GPC5: variants seen among roughly 807,000 people sequenced by gnomAD.
GPC5 encodes the protein glypican-5.
Under a neutral mutation model 53.9 loss-of-function variants are expected in GPC5, and 47 were observed. The ratio of observed to expected loss-of-function variants is 0.87; its 90% CI spans 0.69 to 1.11. GPC5 has a LOEUF of 1.11. GPC5 is among the 50% of genes most tolerant of loss of function. The pLI, the probability that GPC5 is intolerant of heterozygous loss-of-function variation, is 0.00. For synonymous variants in GPC5, 286 were observed against 263.3 expected, an observed-to-expected ratio of 1.09 and a Z score of -0.84; for missense variants, 748 against 713.1, an observed-to-expected ratio of 1.05 and a Z score of -0.56.
intron 5 of GPC5, among the ~76,000 whole-genome samples, chr13:91,896,498 G>A (rs959161648): frequency 2.6e-5 from 4 of 152,170 alleles, no homozygotes; most frequent in African/African-American, 9.7e-5. Flanking sequence ...GAAAGGTTCC[G>A]AAGGGATAGA....
intron 7 of GPC5, among the ~76,000 whole-genome samples, chr13:92,563,178 A>G (rs1882750178): frequency 6.6e-6 from 1 of 152,064 alleles, no homozygotes; most frequent in Non-Finnish European, 1.5e-5. Context: ...TTTCATCTGT[A>G]AAGTCTATAA....
chr13:92,765,339 T>A (rs1351748514), intron 7 of GPC5, among the ~76,000 whole-genome samples: 3 of 152,030 alleles, frequency 2.0e-5, no homozygotes, highest in African/African-American at 2.4e-5. Flanking sequence ...AATGATAGGG[T>A]TTTTACCCTT....
At chr13:91,742,852 T>C (rs2036965630) in intron 4 of GPC5, among the ~76,000 whole-genome samples, 1 of 152,108 alleles carries the variant, frequency 6.6e-6, no homozygotes, top group African/African-American at 2.4e-5. Context: ...CTTAGGTTAG[T>C]GTGTGTGGAA....
intron 5 of GPC5, among the ~76,000 whole-genome samples, chr13:91,814,450 T>C (rs1249824616): frequency 1.3e-5 from 2 of 152,202 alleles, no homozygotes; most frequent in African/African-American, 4.8e-5. Context: ...TCGGTATTTT[T>C]ACAAGCAGGA....
intron 7 of GPC5, among the ~76,000 whole-genome samples, chr13:92,349,165 T>C (rs1262462254): frequency 2.0e-5 from 3 of 152,170 alleles, no homozygotes; most frequent in Non-Finnish European, 2.9e-5. Context: ...TAATTTGAGA[T>C]GGAGTTTCAC....
At chr13:92,784,914 T>C (rs1253225149) in intron 7 of GPC5, among the ~76,000 whole-genome samples, 2 of 152,204 alleles carry the variant, frequency 1.3e-5, no homozygotes, top group Non-Finnish European at 2.9e-5. Context: ...ATTATATCAT[T>C]TAGATATTTG....
intron 7 of GPC5, among the ~76,000 whole-genome samples, chr13:92,287,712 T>C (rs2042966088): frequency 6.6e-6 from 1 of 152,166 alleles, no homozygotes; most frequent in Non-Finnish European, 1.5e-5. Flanking sequence ...TCTTTTTGTA[T>C]TTGGCTTTGG....
intron 7 of GPC5, among the ~76,000 whole-genome samples, chr13:92,336,349 T>C (rs1334184717): frequency 1.3e-5 from 2 of 152,216 alleles, no homozygotes; most frequent in East Asian, 3.8e-4. Flanking sequence ...GAATTAAATA[T>C]ATTTATGATG....
chr13:91,489,368 C>T (rs1158928870), intron 2 of GPC5, among the ~76,000 whole-genome samples: 1 of 152,092 alleles, frequency 6.6e-6, no homozygotes, highest in Non-Finnish European at 1.5e-5. Flanking sequence ...GTACTCTGTC[C>T]CTTTATTTCT....
chr13:92,774,581 T>C (rs1218033651), intron 7 of GPC5, among the ~76,000 whole-genome samples: 4 of 152,200 alleles, frequency 2.6e-5, no homozygotes, highest in Non-Finnish European at 4.4e-5. Context: ...ACTGACTGTA[T>C]ACCTAAATCC....
At chr13:91,620,005 T>G (rs2033809201) in intron 2 of GPC5, among the ~76,000 whole-genome samples, 1 of 152,144 alleles carries the variant, frequency 6.6e-6, no homozygotes. Flanking sequence ...GAGATAAAGC[T>G]AACATCTTGG....
rs531632815 is a variant in GPC5 at position 92,433,931 on chromosome 13, G to A, written c.1561+288942G>A. On this transcript the variant is annotated intron_variant, in intron 7 of 7. Transcript: ENST00000377067. ...AGTCAAGCATACATTTGAAGAGAAA[G>A]GTGAAGGGATGAAACATGTAACTTG... Among the ~76,000 whole-genome samples the A allele has an allele frequency of 2.6e-5, 4 of 152,218 alleles. No homozygotes were observed. The South Asian group carries it at 8.3e-4, about 32-fold the overall frequency.
At chr13:92,599,235 T>G (rs1043301835) in intron 7 of GPC5, among the ~76,000 whole-genome samples, 3 of 152,236 alleles carry the variant, frequency 2.0e-5, no homozygotes, top group Non-Finnish European at 4.4e-5. Context: ...ATTATAATAC[T>G]GTGCAGTGAG....
chr13:92,090,397 C>CATGA (rs914398731), intron 6 of GPC5, among the ~76,000 whole-genome samples: 5 of 152,060 alleles, frequency 3.3e-5, no homozygotes, highest in African/African-American at 1.2e-4. Flanking sequence ...GTAGAGCCCT[C>CATGA]ATGAATGGGA....
intron 2 of GPC5, chr13:91,486,639 G>T (rs1010634354): frequency 6.6e-6 from 1 of 152,110 alleles, no homozygotes; most frequent in Non-Finnish European, 1.5e-5. Flanking sequence ...AGAAAGGCAG[G>T]ATAAACCTTG....
In GPC5 at chr13:92,559,438, C is replaced by A. The variant is rs572659015; in HGVS notation, c.1562-306844C>A. Among the ~76,000 whole-genome samples, 124 of 151,008 alleles carry A rather than the reference C, an allele frequency of 8.2e-4. 2 individuals carry two copies. The highest frequency in any genetic ancestry group is 2.8e-3 in the African/African-American group (115 of 41,222). On this transcript the variant is annotated intron_variant, in intron 7 of 7. Transcript: ENST00000377067. ...TGTTTTCACGTCTTAAAAATCCTTT[C>A]TAAGGAGAGACTGCCCCTCCTGCCG...
intron 6 of GPC5, among the ~76,000 whole-genome samples, chr13:92,046,536 A>G (rs2040983378): frequency 6.6e-6 from 1 of 152,214 alleles, no homozygotes; most frequent in South Asian, 2.1e-4. Flanking sequence ...TCTTGTTTCT[A>G]GTTGGGTCTT....
At chr13:92,490,765 A>AT (rs1244120065) in intron 7 of GPC5, among the ~76,000 whole-genome samples, 1 of 152,170 alleles carries the variant, frequency 6.6e-6, no homozygotes, top group East Asian at 1.9e-4. Flanking sequence ...CGTGTAACAG[A>AT]TAATGAACTA....
chr13:92,294,457 T>A lies in GPC5; in HGVS notation c.1561+149468T>A, dbSNP rs934800968. Among the ~76,000 whole-genome samples the A allele has an allele frequency of 3.3e-5, 5 of 152,224 alleles. 1 individual carries two copies. The highest frequency in any genetic ancestry group is 2.6e-4 in the Admixed American group (4 of 15,290). On this transcript the variant is annotated intron_variant, in intron 7 of 7. Coordinates refer to ENST00000377067, the MANE Select transcript of GPC5 (RefSeq NM_004466.6). ...TTGTATCTTTCCAGGAATTTATCCA[T>A]CTCTTCTAGGTTTTCTAGTTTATGC...
Sources: gnomAD v4.1 joint callset for allele counts (sites outside exome capture counted in the v4.1 genomes callset) on GRCh38, gnomAD v4.1.1 for gene constraint, MANE v1.5 for transcripts, NCBI Gene and HGNC (gene_info 2026-07-23, HGNC 2026-07-21) for gene names.